GABRA5: variants seen among roughly 807,000 people sequenced by gnomAD.
The protein encoded by GABRA5 is gamma-aminobutyric acid type A receptor subunit alpha5.
A neutral mutation model predicts 47.3 loss-of-function variants in GABRA5; 18 were observed. That is an observed-to-expected ratio of 0.38 (90% CI 0.26 to 0.56). The LOEUF is 0.56. GABRA5 is among the 20% of genes least tolerant of loss of function. The pLI, the probability that GABRA5 is intolerant of heterozygous loss-of-function variation, is 0.71. For missense variants in GABRA5, 365 were observed against 599.3 expected (o/e 0.61, Z 4.08); for synonymous variants, 237 against 229.3 (o/e 1.03, Z -0.30).
chr15:26,920,854 A>G (rs1471304840), intron 7 of GABRA5, among the ~76,000 whole-genome samples: 1 of 152,180 alleles, frequency 6.6e-6, no homozygotes, highest in African/African-American at 2.4e-5. Context: ...ACTAGCACTC[A>G]GAGACAAGCA....
intron 1 of GABRA5, chr15:26,868,148 G>A (rs1892368769): frequency 6.6e-6 from 1 of 151,962 alleles, no homozygotes; most frequent in Non-Finnish European, 1.5e-5. Flanking sequence ...AGCCTCTCCT[G>A]GGGGTCCCTG....
At position 26,948,407 on chromosome 15, in the gene GABRA5, G is replaced by A; in HGVS notation, c.*174G>A. The A allele has an allele frequency of 1.6e-6, 1 of 629,682 alleles. No individual in the cohort carries two copies. The highest frequency in any genetic ancestry group is 2.7e-6 in the Non-Finnish European group (1 of 366,656). 39.0% of individuals were successfully genotyped at this position (629,682 alleles called of 1,614,324 possible). ...GATGTTTCTATATGTAACTTCAGAT[G>A]TTTCCAAGATGTCCCATTGATAATT... On this transcript the variant is annotated 3_prime_UTR_variant, in exon 11 of 11. Coordinates refer to ENST00000335625, the MANE Select transcript of GABRA5 (RefSeq NM_000810.4).
Position 26,917,266 on chromosome 15 carries a change from G to A in GABRA5, c.580+2381G>A, listed in dbSNP as rs189556974. Among the ~76,000 whole-genome samples the A allele has an allele frequency of 2.4e-4, 36 of 152,112 alleles. No homozygotes were observed. In the East Asian group the frequency reaches 5.8e-3, roughly 24 times the overall value. The stretch of plus-strand genomic sequence containing the variant: ...AATTTTCTTCTATTCCTTGTGTATC[G>A]AGAATTTTTATCATGAAAGGGTGTG... On this transcript the variant is annotated intron_variant, in intron 7 of 10. Transcript: ENST00000335625.
intron 7 of GABRA5, among the ~76,000 whole-genome samples, chr15:26,929,514 T>C (rs1894041252): frequency 1.3e-5 from 2 of 152,190 alleles, no homozygotes; most frequent in Non-Finnish European, 2.9e-5. Context: ...ACTTTGGGGA[T>C]CCCCTGCCCC....
At chr15:26,934,517 G>T (rs1894189512) in intron 7 of GABRA5, among the ~76,000 whole-genome samples, 1 of 152,154 alleles carries the variant, frequency 6.6e-6, no homozygotes, top group Admixed American at 6.5e-5. Context: ...TTTCGGATTT[G>T]ACACCAAGCA....
At chr15:26,905,644 C>T (rs962171267) in intron 6 of GABRA5, among the ~76,000 whole-genome samples, 1 of 151,720 alleles carries the variant, frequency 6.6e-6, no homozygotes, top group African/African-American at 2.4e-5. Context: ...TCTTGTTAGT[C>T]TGTTAGACTC....
intron 7 of GABRA5, among the ~76,000 whole-genome samples, chr15:26,916,601 C>A (rs890814012): frequency 1.3e-4 from 20 of 151,932 alleles, no homozygotes; most frequent in African/African-American, 4.6e-4. Context: ...TTTTCTATTT[C>A]TATAAAAACT....
chr15:26,888,830 CT>C (rs1049388887), intron 6 of GABRA5, among the ~76,000 whole-genome samples: 17 of 152,312 alleles, frequency 1.1e-4, no homozygotes, highest in African/African-American at 4.1e-4. Flanking sequence ...GAATGTCCCC[CT>C]GGTCTTTGGG....
intron 6 of GABRA5, among the ~76,000 whole-genome samples, chr15:26,897,367 C>T (rs1181650360): frequency 6.6e-6 from 1 of 152,136 alleles, no homozygotes; most frequent in East Asian, 1.9e-4. Flanking sequence ...TGCGAGGACA[C>T]AGGGAGAGGA....
chr15:26,914,748 A>G, intron 6 of GABRA5, 55 bp from the exon 7 acceptor site: 2 of 1,355,020 alleles, frequency 1.5e-6, no homozygotes, highest in Non-Finnish European at 2.1e-6. Flanking sequence ...ATGGTGGCTC[A>G]GTGAATGGCT....
intron 3 of GABRA5, 110 bp from the exon 4 acceptor site, chr15:26,880,736 C>G (rs1892708719): frequency 9.0e-7 from 1 of 1,115,758 alleles, no homozygotes; most frequent in Non-Finnish European, 1.3e-6. Flanking sequence ...GTTCTCAGAT[C>G]CTCGTCTCAG....
intron 6 of GABRA5, among the ~76,000 whole-genome samples, chr15:26,888,789 T>C (rs1202521503): frequency 2.0e-5 from 3 of 152,260 alleles, no homozygotes; most frequent in Non-Finnish European, 2.9e-5. Flanking sequence ...TGCCAACTTA[T>C]GTGAGAACAC....
chr15:26,895,199 TC>T (rs1371959312), intron 6 of GABRA5, among the ~76,000 whole-genome samples: 1 of 151,636 alleles, frequency 6.6e-6, no homozygotes, highest in Non-Finnish European at 1.5e-5. Flanking sequence ...CACCCTTCAG[TC>T]CCCCCACCTC....
At chr15:26,874,449 G>A (rs1183714099) in intron 3 of GABRA5, among the ~76,000 whole-genome samples, 1 of 152,170 alleles carries the variant, frequency 6.6e-6, no homozygotes, top group African/African-American at 2.4e-5. Context: ...AGGGATCCCT[G>A]AGAATGCAGG....
intron 6 of GABRA5, among the ~76,000 whole-genome samples, chr15:26,910,984 C>T (rs1182754665): frequency 6.6e-6 from 1 of 152,102 alleles, no homozygotes; most frequent in African/African-American, 2.4e-5. Flanking sequence ...CTTTCTTTCA[C>T]TGAGAGATAC....
At chr15:26,920,923 A>T (rs1369291109) in intron 7 of GABRA5, among the ~76,000 whole-genome samples, 1 of 152,180 alleles carries the variant, frequency 6.6e-6, no homozygotes, top group Non-Finnish European at 1.5e-5. Flanking sequence ...CGTTTTCTGC[A>T]TTAGTTGATA....
intron 7 of GABRA5, among the ~76,000 whole-genome samples, chr15:26,930,585 T>A (rs1894077700): frequency 6.6e-6 from 1 of 152,194 alleles, no homozygotes; most frequent in African/African-American, 2.4e-5. Flanking sequence ...CTCATTGGAA[T>A]GACCTTTACT....
chr15:26,872,420 T>G (rs968964234), intron 3 of GABRA5, among the ~76,000 whole-genome samples: 1 of 152,166 alleles, frequency 6.6e-6, no homozygotes, highest in Non-Finnish European at 1.5e-5. Flanking sequence ...TGTCACTTCT[T>G]GGGCTCCCTG....
chr15:26,901,836 T>C (rs1016554663), intron 6 of GABRA5, among the ~76,000 whole-genome samples: 2 of 152,146 alleles, frequency 1.3e-5, no homozygotes, highest in African/African-American at 4.8e-5. Flanking sequence ...GTGAAGGGTA[T>C]AAGGTTAGTG....
Sources: allele counts gnomAD v4.1 joint callset (sites outside exome capture counted in the v4.1 genomes callset), GRCh38; gene constraint gnomAD v4.1.1; transcripts MANE v1.5; gene names NCBI Gene and HGNC (gene_info 2026-07-23, HGNC 2026-07-21).